The following TANC1 variants were observed in gnomAD, a reference collection of about 807,000 sequenced individuals.
TANC1 encodes tetratricopeptide repeat, ankyrin repeat and coiled-coil containing 1.
A neutral mutation model predicts 149.7 loss-of-function variants in TANC1; 77 were observed. The observed-to-expected ratio is 0.51, with a 90% CI of 0.43 to 0.62. The LOEUF is 0.62. TANC1 is among the 20% of genes least tolerant of loss of function. The pLI, the probability that TANC1 is intolerant of heterozygous loss-of-function variation, is 0.00. For missense variants in TANC1, 1,985 were observed against 2,321.8 expected (o/e 0.85, Z 2.98); for synonymous variants, 854 against 925.0 (o/e 0.92, Z 1.39).
intron 2 of TANC1, among the ~76,000 whole-genome samples, chr2:159,011,527 ATT>A (rs10586189): frequency 0.013 from 1,429 of 106,670 alleles, 15 homozygotes; most frequent in African/African-American, 0.036. Flanking sequence ...TACACCTTAA[ATT>A]TTTTTTTTTT....
chr2:159,204,910 T>A (rs1268168197), intron 19 of TANC1, among the ~76,000 whole-genome samples: 1 of 152,246 alleles, frequency 6.6e-6, no homozygotes, highest in African/African-American at 2.4e-5. Context: ...CCTCCCTTTG[T>A]GTAGCGCATT....
chr2:159,042,810 G>C (rs578105807), intron 2 of TANC1, among the ~76,000 whole-genome samples: 1 of 152,062 alleles, frequency 6.6e-6, no homozygotes, highest in East Asian at 1.9e-4. Flanking sequence ...GGTGAATTTC[G>C]TAGAAACCTG....
intron 16 of TANC1, among the ~76,000 whole-genome samples, chr2:159,192,624 G>C (rs1490091815): frequency 6.6e-6 from 1 of 152,062 alleles, no homozygotes; most frequent in Non-Finnish European, 1.5e-5. Flanking sequence ...CCAAGAATTT[G>C]CAGTTGTTTA....
At chr2:159,023,708 T>G (rs1029723393) in intron 2 of TANC1, among the ~76,000 whole-genome samples, 1 of 152,140 alleles carries the variant, frequency 6.6e-6, no homozygotes, top group African/African-American at 2.4e-5. Flanking sequence ...GGCTCACGCC[T>G]GTAATCCCAG....
intron 5 of TANC1, among the ~76,000 whole-genome samples, chr2:159,138,227 C>T (rs764639690): frequency 3.3e-5 from 5 of 152,000 alleles, no homozygotes; most frequent in Non-Finnish European, 5.9e-5. Flanking sequence ...ATTTCGGTTT[C>T]GCCTGAAATT....
intron 1 of TANC1, among the ~76,000 whole-genome samples, chr2:158,970,674 G>A (rs1365451561): frequency 6.6e-6 from 1 of 152,144 alleles, no homozygotes; most frequent in African/African-American, 2.4e-5. Flanking sequence ...TATCCTTCAG[G>A]ACTTCCTCCT....
rs544338534 is a variant in TANC1 at position 158,969,602 on chromosome 2, G to T, written c.-126+820G>T. 6.6e-5 allele frequency among the ~76,000 whole-genome samples: 10 copies of T among 152,348 alleles called. 1 individual carries two copies. In the South Asian group the frequency reaches 2.1e-3, roughly 32 times the overall value. On this transcript the variant is annotated intron_variant, in intron 1 of 26. Coordinates refer to ENST00000263635, the MANE Select transcript of TANC1 (RefSeq NM_033394.3). Reference sequence around the variant, plus strand: ...CGGGCGCGCAGCGCTGTGGGTGTGCGGGGCTCCCGGCTTTGGCGCGGCGGC... The same window carrying T: ...CGGGCGCGCAGCGCTGTGGGTGTGCTGGGCTCCCGGCTTTGGCGCGGCGGC...
chr2:159,095,593 G>A (rs549688004), intron 3 of TANC1, among the ~76,000 whole-genome samples: 36 of 152,072 alleles, frequency 2.4e-4, no homozygotes, highest in Admixed American at 4.6e-4. Flanking sequence ...AAGATTAGCC[G>A]GGTGTGGTGG....
At chr2:159,038,319 T>G (rs1408698226) in intron 2 of TANC1, among the ~76,000 whole-genome samples, 2 of 152,232 alleles carry the variant, frequency 1.3e-5, no homozygotes, top group Non-Finnish European at 2.9e-5. Context: ...TCTGACTTCC[T>G]CTTTTCCTAA....
chr2:159,010,539 T>G (rs1305712413), intron 2 of TANC1, among the ~76,000 whole-genome samples: 1 of 152,162 alleles, frequency 6.6e-6, no homozygotes, highest in Non-Finnish European at 1.5e-5. Flanking sequence ...GGGGAGGGCC[T>G]GGCTGTGGCA....
chr2:159,063,329 C>T (rs559798940), intron 2 of TANC1, among the ~76,000 whole-genome samples: 1 of 152,232 alleles, frequency 6.6e-6, no homozygotes, highest in South Asian at 2.1e-4. Context: ...ATTATTGGCC[C>T]CTAGGGTCTA....
chr2:159,009,508 C>G (rs752684213), intron 2 of TANC1, among the ~76,000 whole-genome samples: 6 of 152,118 alleles, frequency 3.9e-5, no homozygotes, highest in Non-Finnish European at 8.8e-5. Context: ...AAGATAAATA[C>G]CGCATGGTCT....
At chr2:159,006,328 A>C (rs1026000682) in intron 2 of TANC1, among the ~76,000 whole-genome samples, 1 of 150,918 alleles carries the variant, frequency 6.6e-6, no homozygotes, top group Non-Finnish European at 1.5e-5. Context: ...ATGTCACATT[A>C]CAATCTGAAC....
chr2:159,196,470 T>A (rs1467696521), intron 17 of TANC1, 138 bp from the exon 18 acceptor site: 1 of 655,792 alleles, frequency 1.5e-6, no homozygotes, highest in Non-Finnish European at 2.5e-6. Flanking sequence ...GGTTCCATGT[T>A]CTCCAGAAAG....
chr2:159,209,834 C>T (rs2058865153), intron 19 of TANC1, among the ~76,000 whole-genome samples: 1 of 152,146 alleles, frequency 6.6e-6, no homozygotes, highest in South Asian at 2.1e-4. Context: ...AGCATCACTG[C>T]CTTCACCACA....
chr2:159,227,894 G>C lies in TANC1; in HGVS notation c.3979G>C (p.Asp1327His). ...GTTTCCTCGAGAAGGATTCGGAGAG[G>C]ACATGAGACCCTTCAATGAATTAAG... ...RKFPREGFGE[D>H]MRPFNELRVS... The change falls in exon 25 of 27, where the codon GAC (aspartate) becomes CAC (histidine). Residue 1327 changes from aspartate to histidine, a missense_variant. By Grantham distance (81) the Asp-to-His change is moderately conservative (BLOSUM62 -1). Coordinates refer to ENST00000263635, the MANE Select transcript of TANC1 (RefSeq NM_033394.3). 6.2e-7 allele frequency: 1 copy of C among 1,614,150 alleles called. No homozygotes were observed. Among genetic ancestry groups the C allele is most frequent in the Non-Finnish European group, 8.5e-7 (1 of 1,180,010 alleles).
chr2:159,030,866 G>T (rs986848521), intron 2 of TANC1, among the ~76,000 whole-genome samples: 1 of 152,182 alleles, frequency 6.6e-6, no homozygotes, highest in African/African-American at 2.4e-5. Context: ...GTTGGGGGCA[G>T]CAGATCCAGC....
Position 159,222,472 on chromosome 2 carries a change from A to G in TANC1, c.3679-1760A>G, listed in dbSNP as rs2059767678. On this transcript the variant is annotated intron_variant, in intron 22 of 26. Coordinates refer to ENST00000263635, the MANE Select transcript of TANC1 (RefSeq NM_033394.3). ...CCCTTTAGATATCTCATGTAAGTAG[A>G]ATCATATAGTATTTGTCTCATTGTG... Among the ~76,000 whole-genome samples the G allele has an allele frequency of 2.6e-5, 4 of 152,216 alleles. No individual in the cohort carries two copies. The South Asian group carries it at 8.3e-4, about 32-fold the overall frequency.
rs757676097 is a variant in TANC1, at chr2:159,186,919, G to C, written c.2637G>C (p.Thr879=). Residue 879 remains threonine (T), a synonymous_variant, in exon 16 of 27, where the codon ACG becomes ACC. Transcript: ENST00000263635. The part of the protein sequence containing the change: ...AHIFKGLSKK[T]GISSSHLQAL... Reference sequence around the variant, plus strand: ...GTTTCCAGGGCCTCAGTAAGAAGACGGGAATTTCTTCAAGCCATCTCCAAG... The same window carrying C: ...GTTTCCAGGGCCTCAGTAAGAAGACCGGAATTTCTTCAAGCCATCTCCAAG... 3 of 1,614,190 alleles carry C rather than the reference G, an allele frequency of 1.9e-6. No individual in the cohort carries two copies. The highest frequency in any genetic ancestry group is 2.5e-6 in the Non-Finnish European group (3 of 1,180,030).
Sources: allele counts gnomAD v4.1 joint callset (sites outside exome capture counted in the v4.1 genomes callset), GRCh38; gene constraint gnomAD v4.1.1; transcripts MANE v1.5; gene names NCBI Gene and HGNC (gene_info 2026-07-23, HGNC 2026-07-21).